The following CD300LF variants were observed in gnomAD, a reference collection of about 807,000 sequenced individuals.
The protein encoded by CD300LF is CD300 molecule like family member f.
In CD300LF, 27 loss-of-function variants were observed where a neutral mutation model predicts 32.2. The ratio of observed to expected loss-of-function variants is 0.84; its 90% CI spans 0.62 to 1.15. The LOEUF (loss-of-function observed/expected upper bound fraction) is 1.15. Among genes scored for constraint, CD300LF ranks in the 50% most tolerant of loss-of-function variants. The pLI is 0.00. For missense variants in CD300LF, 348 were observed against 356.8 expected (o/e 0.98, Z 0.20); for synonymous variants, 139 against 143.2 (o/e 0.97, Z 0.21).
chr17:74,699,098 T>C (rs143207098), intron 3 of CD300LF, among the ~76,000 whole-genome samples: 1,704 of 152,234 alleles, frequency 0.011, 13 homozygotes, highest in Admixed American at 0.018. Context: ...TTTGTATTTT[T>C]AGTAGAGACA....
chr17:74,695,704 C>T (rs1181761092), intron 6 of CD300LF, 21 bp downstream of exon 6: 2 of 1,613,908 alleles, frequency 1.2e-6, no homozygotes, highest in Non-Finnish European at 1.7e-6. Context: ...AGCCTCACAG[C>T]AGCCCCCATG....
At chr17:74,702,780 T>C (rs968356062) in intron 3 of CD300LF, among the ~76,000 whole-genome samples, 9 of 152,182 alleles carry the variant, frequency 5.9e-5, no homozygotes, top group African/African-American at 1.9e-4. Context: ...TAGAAGTTAT[T>C]ATAACACAGT....
chr17:74,696,924 G>A (rs778536335), intron 4 of CD300LF, among the ~76,000 whole-genome samples: 19 of 151,688 alleles, frequency 1.3e-4, no homozygotes, highest in Non-Finnish European at 2.4e-4. Context: ...GTTTGGTTTG[G>A]TTTGGTTTGG....
intron 1 of CD300LF, among the ~76,000 whole-genome samples, chr17:74,712,483 G>A (rs1305502474): frequency 1.3e-5 from 2 of 152,170 alleles, no homozygotes; most frequent in Non-Finnish European, 2.9e-5. Context: ...CCACGCAGGT[G>A]ACAGATCACC....
At position 74,712,828 on chromosome 17, in the gene CD300LF, G is replaced by A; in HGVS notation, c.39C>T (p.Leu13=). 3 of 1,614,012 alleles carry A rather than the reference G, an allele frequency of 1.9e-6. No individual in the cohort carries two copies. The South Asian group carries it at 3.3e-5, about 18-fold the overall frequency. Residue 13 remains leucine (L), a synonymous_variant, in exon 1 of 7, where the codon CTC becomes CTT. Transcript: ENST00000326165. The stretch of plus-strand genomic sequence containing the variant: ...GACAGACCCAGGCCCGCTCACCTGA[G>A]AGCCAGAAGAGGAGCAGGTAGAGTG... ...LLTLYLLLFW[L]SGYSIVTQIT...
Position 74,701,011 on chromosome 17 carries a change from AAGAT to A in CD300LF, c.446+2020_446+2023del, listed in dbSNP as rs138280441. Among the ~76,000 whole-genome samples the A allele has an allele frequency of 9.9e-3, 1,510 of 152,320 alleles. 11 individuals carry two copies. The highest frequency in any genetic ancestry group is 0.038 in the South Asian group (185 of 4,828). ...GACGACCACGTGAACACATAGGAAA[AAGAT>A]AGCCATCTACAAGCTGAGAAGACTC... On this transcript the variant is annotated intron_variant, in intron 3 of 6. Transcript: ENST00000326165.
At chr17:74,704,189 C>T (rs2033313188) in intron 2 of CD300LF, among the ~76,000 whole-genome samples, 1 of 152,148 alleles carries the variant, frequency 6.6e-6, no homozygotes, top group African/African-American at 2.4e-5. Context: ...ATCCCTTTGG[C>T]CCATGGGCTG....
At chr17:74,702,541 A>G (rs190854459) in intron 3 of CD300LF, among the ~76,000 whole-genome samples, 118 of 152,250 alleles carry the variant, frequency 7.8e-4, no homozygotes, top group Non-Finnish European at 1.4e-3. Flanking sequence ...TGTTCTTGCC[A>G]TAATAGTAAT....
intron 3 of CD300LF, among the ~76,000 whole-genome samples, chr17:74,701,530 T>C (rs2143701527): frequency 6.6e-6 from 1 of 152,290 alleles, no homozygotes; most frequent in South Asian, 2.1e-4. Flanking sequence ...AACTTTCAAA[T>C]CAGAGGGTAT....
intron 4 of CD300LF, among the ~76,000 whole-genome samples, chr17:74,697,361 TG>T (rs1188205794): frequency 1.3e-5 from 2 of 152,018 alleles, no homozygotes; most frequent in African/African-American, 4.8e-5. Flanking sequence ...AACAAAGAAA[TG>T]GGGGGTTTTC....
At position 74,695,186 on chromosome 17, in the gene CD300LF, C is replaced by T. The variant is rs887241336; in HGVS notation, c.783G>A (p.Pro261=). The T allele has an allele frequency of 3.7e-6, 6 of 1,613,954 alleles. No homozygotes were observed. The highest frequency in any genetic ancestry group is 1.3e-5 in the African/African-American group (1 of 74,910). The change falls in exon 7 of 7, where the codon CCG becomes CCA. Residue 261 remains proline (P), a synonymous_variant. Coordinates refer to ENST00000326165, the MANE Select transcript of CD300LF (RefSeq NM_139018.5). ...TGAGGTGGCCCATGTTGCAGTAGGT[C>T]GGTTCCTGATCCTCAGCACCCAAGG... ...SLTLGAEDQE[P]TYCNMGHLSS...
At chr17:74,703,121 C>G (rs775002575) in intron 2 of CD300LF, 23 bp from the exon 3 acceptor site, 1 of 1,613,528 alleles carries the variant, frequency 6.2e-7, no homozygotes, top group African/African-American at 1.3e-5. Context: ...TGGAGGTAGG[C>G]GTGGTGGGGG....
chr17:74,705,396 A>G, intron 1 of CD300LF: 1 of 538,096 alleles, frequency 1.9e-6, no homozygotes, highest in Non-Finnish European at 3.4e-6. Context: ...TCCATACAAC[A>G]CAGATCCCAC....
chr17:74,703,922 A>T (rs2033283275), intron 2 of CD300LF, among the ~76,000 whole-genome samples: 1 of 152,192 alleles, frequency 6.6e-6, no homozygotes, highest in South Asian at 2.1e-4. Context: ...ACACACACAA[A>T]TGGCTCATGG....
At chr17:74,698,688 G>A (rs1032292880) in intron 3 of CD300LF, 3 of 1,288,284 alleles carry the variant, frequency 2.3e-6, no homozygotes, top group Non-Finnish European at 1.0e-6. Flanking sequence ...TGGAACAAGA[G>A]ACACCAGGGC....
At chr17:74,701,492 C>T (rs1333750836) in intron 3 of CD300LF, among the ~76,000 whole-genome samples, 1 of 152,204 alleles carries the variant, frequency 6.6e-6, no homozygotes, top group Non-Finnish European at 1.5e-5. Flanking sequence ...TTAACTATTA[C>T]TTATTCAAAG....
intron 3 of CD300LF, among the ~76,000 whole-genome samples, chr17:74,701,787 T>C (rs556067341): frequency 6.6e-5 from 10 of 150,514 alleles, no homozygotes; most frequent in Non-Finnish European, 1.0e-4. Flanking sequence ...GAGGTGGAAG[T>C]TGCAGTGAGC....
intron 1 of CD300LF, among the ~76,000 whole-genome samples, chr17:74,711,031 C>G (rs970464300): frequency 2.0e-5 from 3 of 151,972 alleles, no homozygotes; most frequent in African/African-American, 7.3e-5. Flanking sequence ...AGACTGAGAC[C>G]CCAACTCAAA....
At chr17:74,695,295 T>C in intron 6 of CD300LF, 44 bp from the exon 7 acceptor site, 6 of 1,608,944 alleles carry the variant, frequency 3.7e-6, no homozygotes, top group Non-Finnish European at 5.1e-6. Context: ...CGGCAGGAAG[T>C]GACGGTCACG....
Sources: allele counts gnomAD v4.1 joint callset (sites outside exome capture counted in the v4.1 genomes callset), GRCh38; gene constraint gnomAD v4.1.1; transcripts MANE v1.5; gene names NCBI Gene and HGNC (gene_info 2026-07-23, HGNC 2026-07-21).